The following EPHA6 variants were observed in gnomAD, a reference collection of about 807,000 sequenced individuals.
EPHA6 encodes ephrin type-A receptor 6.
EPHA6 carries 50 observed loss-of-function variants against 112.0 expected under a neutral mutation model. The ratio of observed to expected loss-of-function variants is 0.45; its 90% CI spans 0.36 to 0.56. The LOEUF (loss-of-function observed/expected upper bound fraction) is 0.56. Among genes scored for constraint, EPHA6 ranks in the 20% least tolerant of loss-of-function variants. The pLI is 0.00. For synonymous variants in EPHA6, 529 were observed against 490.7 expected, an observed-to-expected ratio of 1.08 and a Z score of -1.03; for missense variants, 1,280 against 1,417.4, an observed-to-expected ratio of 0.90 and a Z score of 1.56.
At chr3:96,852,787 CACAT>C (rs2035474293) in intron 1 of EPHA6, among the ~76,000 whole-genome samples, 1 of 152,026 alleles carries the variant, frequency 6.6e-6, no homozygotes, top group African/African-American at 2.4e-5. Flanking sequence ...TGGTGTTTCT[CACAT>C]AAATAGCTTC....
intron 3 of EPHA6, among the ~76,000 whole-genome samples, chr3:97,079,959 G>T (rs1181202976): frequency 6.7e-6 from 1 of 148,834 alleles, no homozygotes; most frequent in Admixed American, 6.8e-5. Flanking sequence ...TCAACATGTT[G>T]CTGTTGCACA....
chr3:97,741,731 A>G (rs1312282130), intron 16 of EPHA6, among the ~76,000 whole-genome samples: 1 of 152,140 alleles, frequency 6.6e-6, no homozygotes, highest in Non-Finnish European at 1.5e-5. Flanking sequence ...GTTTGCTAGT[A>G]CAACACTGCT....
At chr3:97,140,777 A>T (rs1472658497) in intron 3 of EPHA6, among the ~76,000 whole-genome samples, 1 of 152,190 alleles carries the variant, frequency 6.6e-6, no homozygotes, top group African/African-American at 2.4e-5. Context: ...AAATGAGACT[A>T]CAAAGCAACT....
At chr3:97,271,295 C>CGG (rs2079870899) in intron 5 of EPHA6, among the ~76,000 whole-genome samples, 1 of 152,204 alleles carries the variant, frequency 6.6e-6, no homozygotes, top group African/African-American at 2.4e-5. Flanking sequence ...GTTCTCTCCT[C>CGG]ACTTTACTGA....
At chr3:97,703,109 G>A (rs1457691073) in intron 14 of EPHA6, among the ~76,000 whole-genome samples, 2 of 152,168 alleles carry the variant, frequency 1.3e-5, no homozygotes, top group Non-Finnish European at 2.9e-5. Context: ...ATTTCTGACA[G>A]CTACGCTAAT....
intron 5 of EPHA6, among the ~76,000 whole-genome samples, chr3:97,395,691 T>C (rs989009249): frequency 6.6e-6 from 1 of 151,600 alleles, no homozygotes; most frequent in Non-Finnish European, 1.5e-5. Context: ...TTTTTTATTA[T>C]ATTTCCCTTA....
At chr3:97,312,361 G>T (rs998838111) in intron 5 of EPHA6, among the ~76,000 whole-genome samples, 4 of 151,540 alleles carry the variant, frequency 2.6e-5, no homozygotes, top group Admixed American at 6.6e-5. Flanking sequence ...CCTGATTTGC[G>T]TGGAGTGGAG....
intron 12 of EPHA6, among the ~76,000 whole-genome samples, chr3:97,596,317 T>G (rs372223608): frequency 6.6e-6 from 1 of 152,236 alleles, no homozygotes; most frequent in South Asian, 2.1e-4. Flanking sequence ...GAATTTTTTA[T>G]ATGCCATAGA....
At chr3:97,657,941 T>C (rs1317630676) in intron 14 of EPHA6, among the ~76,000 whole-genome samples, 1 of 151,716 alleles carries the variant, frequency 6.6e-6, no homozygotes, top group African/African-American at 2.4e-5. Context: ...TATTTCCTCC[T>C]CCAGCCTTAC....
At chr3:97,256,073 AAG>A (rs1476111627) in intron 5 of EPHA6, among the ~76,000 whole-genome samples, 1 of 152,120 alleles carries the variant, frequency 6.6e-6, no homozygotes, top group African/African-American at 2.4e-5. Flanking sequence ...CTCATTTATG[AAG>A]AGTTAAAATT....
chr3:96,902,000 C>G (rs1204651016), intron 2 of EPHA6, among the ~76,000 whole-genome samples: 1 of 152,152 alleles, frequency 6.6e-6, no homozygotes, highest in Admixed American at 6.5e-5. Context: ...ATATATCATT[C>G]TGGCTTACTA....
intron 15 of EPHA6, among the ~76,000 whole-genome samples, chr3:97,728,161 T>G (rs2034864752): frequency 6.6e-6 from 1 of 152,186 alleles, no homozygotes; most frequent in African/African-American, 2.4e-5. Context: ...CATAATCTAT[T>G]TTTCCATAGC....
intron 14 of EPHA6, among the ~76,000 whole-genome samples, chr3:97,674,838 T>C (rs997733059): frequency 1.3e-5 from 2 of 152,208 alleles, no homozygotes; most frequent in Non-Finnish European, 2.9e-5. Flanking sequence ...TCTGTCTATT[T>C]GGAGGCTGTG....
intron 11 of EPHA6, among the ~76,000 whole-genome samples, chr3:97,555,992 C>T (rs2093103408): frequency 1.3e-5 from 2 of 152,060 alleles, no homozygotes; most frequent in African/African-American, 4.8e-5. Flanking sequence ...GGTCCCAAAC[C>T]ACCTCCTTTA....
chr3:97,093,698 C>T (rs542335040), intron 3 of EPHA6, among the ~76,000 whole-genome samples: 9 of 152,172 alleles, frequency 5.9e-5, no homozygotes, highest in Admixed American at 2.6e-4. Context: ...TTATTATCAT[C>T]GTGTGATCCA....
intron 1 of EPHA6, among the ~76,000 whole-genome samples, chr3:96,840,582 G>A (rs1389753593): frequency 6.6e-6 from 1 of 152,092 alleles, no homozygotes; most frequent in Non-Finnish European, 1.5e-5. Context: ...ATGACTTGCT[G>A]TCTGACCACT....
intron 3 of EPHA6, among the ~76,000 whole-genome samples, chr3:97,159,368 G>T (rs1040149510): frequency 1.3e-5 from 2 of 152,096 alleles, no homozygotes; most frequent in Non-Finnish European, 2.9e-5. Context: ...TCATCATTAC[G>T]TATGTTGGTG....
intron 6 of EPHA6, among the ~76,000 whole-genome samples, chr3:97,429,727 C>G (rs60688363): frequency 6.7e-4 from 102 of 152,270 alleles, no homozygotes; most frequent in African/African-American, 2.4e-3. Flanking sequence ...TAATTTTAAA[C>G]AAATCCATTC....
intron 3 of EPHA6, among the ~76,000 whole-genome samples, chr3:97,225,108 A>G (rs762956103): frequency 6.6e-6 from 1 of 152,136 alleles, no homozygotes; most frequent in African/African-American, 2.4e-5. Flanking sequence ...GGCGCCCGCC[A>G]CCACGCCCAG....
Sources: gnomAD v4.1 joint callset for allele counts (sites outside exome capture counted in the v4.1 genomes callset) on GRCh38, gnomAD v4.1.1 for gene constraint, MANE v1.5 for transcripts, NCBI Gene and HGNC (gene_info 2026-07-23, HGNC 2026-07-21) for gene names.